ABCC8: variants seen among roughly 807,000 people sequenced by gnomAD.
ABCC8 encodes ATP binding cassette subfamily C member 8, also known as ATP-binding cassette sub-family C member 8.
In ABCC8, 137 loss-of-function variants were observed where a neutral mutation model predicts 188.0. The ratio of observed to expected loss-of-function variants is 0.73; its 90% CI spans 0.63 to 0.84. The LOEUF (loss-of-function observed/expected upper bound fraction) is 0.84. Among genes scored for constraint, ABCC8 ranks in the 40% least tolerant of loss-of-function variants. The pLI is 0.00. For missense variants in ABCC8, 1,750 were observed against 2,072.7 expected, an observed-to-expected ratio of 0.84 and a Z score of 3.02; for synonymous variants, 797 against 846.5, an observed-to-expected ratio of 0.94 and a Z score of 1.01.
chr11:17,410,294 G>C, intron 22 of ABCC8: 1 of 551,878 alleles, frequency 1.8e-6, no homozygotes, highest in South Asian at 2.4e-5. Context: ...GGGGGGCCCG[G>C]GCCAGGATGG....
intron 12 of ABCC8, 200 bp from the exon 13 acceptor site, chr11:17,428,870 C>T: frequency 1.1e-6 from 1 of 893,134 alleles, no homozygotes; most frequent in Non-Finnish European, 1.7e-6. Context: ...GACCAGTCAG[C>T]TGGAATAGGC....
chr11:17,449,556 C>T (rs1023007118), intron 7 of ABCC8, among the ~76,000 whole-genome samples: 16 of 152,190 alleles, frequency 1.1e-4, no homozygotes, highest in African/African-American at 3.6e-4. Context: ...ATGGCCTCCC[C>T]GAGCTCTGAA....
At chr11:17,467,361 T>G (rs1289921425) in intron 3 of ABCC8, among the ~76,000 whole-genome samples, 1 of 152,224 alleles carries the variant, frequency 6.6e-6, no homozygotes, top group Non-Finnish European at 1.5e-5. Flanking sequence ...GAGGTTGTAG[T>G]GACCCAAGGT....
intron 1 of ABCC8, 73 bp downstream of exon 1, chr11:17,476,556 T>C (rs939014029): frequency 3.8e-5 from 59 of 1,549,736 alleles, no homozygotes; most frequent in Non-Finnish European, 5.0e-5. Flanking sequence ...CGCCGAGCGG[T>C]GCGGCGCGCA....
intron 11 of ABCC8, 123 bp downstream of exon 11, chr11:17,432,081 G>C (rs1955872294): frequency 3.0e-6 from 4 of 1,318,462 alleles, no homozygotes; most frequent in Non-Finnish European, 4.2e-6. Context: ...CCTATTTTCA[G>C]TCTGGCTGTG....
At chr11:17,415,596 C>A (rs960275017) in intron 17 of ABCC8, among the ~76,000 whole-genome samples, 2 of 152,096 alleles carry the variant, frequency 1.3e-5, no homozygotes, top group Non-Finnish European at 2.9e-5. Flanking sequence ...GGGAGAGGTG[C>A]CATTGGTGCA....
Position 17,471,057 on chromosome 11 carries a change from C to G in ABCC8, c.291-835G>C, listed in dbSNP as rs537369659. On this transcript the variant is annotated intron_variant, in intron 2 of 38. Coordinates refer to ENST00000389817, the MANE Select transcript of ABCC8 (RefSeq NM_000352.6). ...CAGCCACTTTATCAGATCTGCCCAG[C>G]CTGCCCTTTCTGCTCCAGCCCTGTG... 1.5e-4 allele frequency among the ~76,000 whole-genome samples: 23 copies of G among 152,382 alleles called. No homozygotes were observed. In the South Asian group the frequency reaches 4.8e-3, roughly 32 times the overall value.
chr11:17,447,910 C>T (rs1435766266), intron 8 of ABCC8, among the ~76,000 whole-genome samples: 3 of 152,154 alleles, frequency 2.0e-5, no homozygotes, highest in Non-Finnish European at 4.4e-5. Flanking sequence ...ATGTGATTTT[C>T]CAATTCTTTT....
chr11:17,392,713 C>T, downstream of ABCC8: 1 of 493,166 alleles, frequency 2.0e-6, no homozygotes, highest in Non-Finnish European at 3.7e-6. Flanking sequence ...TTAAAGCCAC[C>T]CAGTCTGTGA....
At chr11:17,424,173 G>A (rs1224501975) in intron 16 of ABCC8, among the ~76,000 whole-genome samples, 2 of 151,818 alleles carry the variant, frequency 1.3e-5, no homozygotes, top group Admixed American at 6.6e-5. Flanking sequence ...GGGGGTGGGA[G>A]GCAAGAGGAG....
chr11:17,410,459 G>A (rs1215553685), intron 22 of ABCC8, 57 bp downstream of exon 22: 1 of 1,581,530 alleles, frequency 6.3e-7, no homozygotes, highest in African/African-American at 1.3e-5. Flanking sequence ...CTGCCAAGAT[G>A]CCTGACAGCC....
At chr11:17,471,067 C>A (rs1271622774) in intron 2 of ABCC8, among the ~76,000 whole-genome samples, 1 of 152,258 alleles carries the variant, frequency 6.6e-6, no homozygotes, top group Non-Finnish European at 1.5e-5. Flanking sequence ...CCTGCCCTTT[C>A]TGCTCCAGCC....
At chr11:17,392,753 T>C (rs1304874766), downstream of ABCC8, 23 of 579,536 alleles carry the variant, frequency 4.0e-5, no homozygotes, top group South Asian at 1.9e-4. Context: ...GGCTGACTAA[T>C]AGAGGCCTCA....
chr11:17,463,701 T>C, intron 3 of ABCC8, 97 bp from the exon 4 acceptor site: 2 of 1,484,090 alleles, frequency 1.3e-6, no homozygotes, highest in Admixed American at 2.0e-5. Flanking sequence ...GGAGACAGAA[T>C]AAGCGTGCCT....
At chr11:17,399,301 A>ACAAAC (rs1338267929) in intron 29 of ABCC8, among the ~76,000 whole-genome samples, 2 of 136,278 alleles carry the variant, frequency 1.5e-5, no homozygotes, top group African/African-American at 2.9e-5. Flanking sequence ...AAAAAAAAAA[A>ACAAAC]AAACAAATAA....
rs1213662930 is a variant in ABCC8 at position 17,474,996 on chromosome 11, G to A, written c.180C>T (p.Ile60=). ...GGAAATGAAGCCATGTGCTGTGGTG[G>A]ATGTGCACCTTGGAGCTCTGACTTC... ...GWGSQSSKVH[I]HHSTWLHFPG... The change falls in exon 2 of 39, where the codon ATC becomes ATT. Residue 60 remains isoleucine (I), a synonymous_variant. Transcript: ENST00000389817. 1 of 1,614,166 alleles carries A rather than the reference G, an allele frequency of 6.2e-7. No individual in the cohort carries two copies. Among genetic ancestry groups the A allele is most frequent in the African/African-American group, 1.3e-5 (1 of 75,044 alleles).
rs373633039 is a variant in ABCC8 at position 17,406,613 on chromosome 11, G to A, written c.3329+9C>T. The A allele has an allele frequency of 1.9e-6, 3 of 1,611,770 alleles. No individual in the cohort carries two copies. The African/African-American group carries it at 4.0e-5, about 22-fold the overall frequency. Reference sequence around the variant, plus strand: ...TCACAGTCCCAGCCTGGCCAGGGGAGACGGGTACCTCATGGGGGCTAGGAT... The same window carrying A: ...TCACAGTCCCAGCCTGGCCAGGGGAAACGGGTACCTCATGGGGGCTAGGAT... On this transcript the variant is annotated intron_variant, in intron 26 of 38. Transcript: ENST00000389817.
Position 17,463,444 on chromosome 11 carries a change from C to T in ABCC8, c.573G>A (p.Arg191=), listed in dbSNP as rs1246132765. The change falls in exon 4 of 39, where the codon AGG becomes AGA. Residue 191 remains arginine, a synonymous_variant. Transcript: ENST00000389817. ...MLLLVEVNVI[R]VRRYIFFKTP... is the part of the protein sequence containing the mutation. Reference sequence around the variant, plus strand: ...GCCCAGGTGGCCTGCTTACCCTCACCCTGATGACATTGACCTCCACGAGGA... The same window carrying T: ...GCCCAGGTGGCCTGCTTACCCTCACTCTGATGACATTGACCTCCACGAGGA... The T allele has an allele frequency of 1.2e-5, 20 of 1,604,130 alleles. No individual in the cohort carries two copies. The highest frequency in any genetic ancestry group is 1.7e-5 in the Non-Finnish European group (20 of 1,175,662).
intron 8 of ABCC8, among the ~76,000 whole-genome samples, chr11:17,447,678 C>T (rs535842229): frequency 1.2e-4 from 18 of 152,282 alleles, no homozygotes; most frequent in African/African-American, 4.3e-4. Flanking sequence ...TAGCTCACTG[C>T]AACCTCTGCC....
Sources: allele counts gnomAD v4.1 joint callset (sites outside exome capture counted in the v4.1 genomes callset), GRCh38; gene constraint gnomAD v4.1.1; transcripts MANE v1.5; gene names NCBI Gene and HGNC (gene_info 2026-07-23, HGNC 2026-07-21).